The following CD36 variants were observed in gnomAD, a reference collection of about 807,000 sequenced individuals.
CD36 encodes platelet glycoprotein 4.
In CD36, 119 loss-of-function variants were observed where a neutral mutation model predicts 55.2. The observed-to-expected ratio is 2.15, with a 90% CI of 1.86 to 2.51. The LOEUF is 2.51. Ranked by LOEUF, CD36 falls within the 30% of genes most tolerant of loss-of-function variation. CD36 has a pLI of 0.00. For missense variants in CD36, 819 were observed against 555.5 expected, an observed-to-expected ratio of 1.47 and a Z score of -4.77; for synonymous variants, 186 against 193.6, an observed-to-expected ratio of 0.96 and a Z score of 0.33.
At chr7:80,671,397 G>C (rs562483542) in intron 10 of CD36, among the ~76,000 whole-genome samples, 2 of 152,234 alleles carry the variant, frequency 1.3e-5, no homozygotes, top group East Asian at 3.9e-4. Context: ...TGCTGATTTT[G>C]TATTTTGGGA....
intron 9 of CD36, chr7:80,670,468 TTTC>T: frequency 4.4e-6 from 1 of 227,800 alleles, no homozygotes. Context: ...TCTGAATTTT[TTTC>T]TTATCTGTAC....
Position 80,678,842 on chromosome 7 carries a change from CAAAAA to C in CD36, c.*2467_*2471del, listed in dbSNP as rs66867332. The C allele has an allele frequency of 7.1e-6, 1 of 141,722 alleles. No homozygotes were observed. Among genetic ancestry groups the C allele is most frequent in the African/African-American group, 2.6e-5 (1 of 38,042 alleles). The allele number at this position is 141,722 out of a possible 1,614,324, so 8.8% of individuals were successfully genotyped here. A position where few individuals can be genotyped will look rare whatever the true frequency, so the allele number is the denominator to read the frequency against. On this transcript the variant is annotated 3_prime_UTR_variant, in exon 15 of 15. Transcript: ENST00000447544. ...CTGGTGACAGAGCGAGATTCCATCT[CAAAAA>C]AAAAAAACAGTATGCACGTACAAAT...
upstream of CD36, chr7:80,638,509 T>C (rs762661522): frequency 2.0e-5 from 3 of 151,638 alleles, no homozygotes; most frequent in Admixed American, 1.3e-4. Flanking sequence ...TGGGGGATTT[T>C]TTTTTTCTTT....
intron 1 of CD36, among the ~76,000 whole-genome samples, chr7:80,604,582 C>T (rs1402220947): frequency 6.6e-6 from 1 of 151,334 alleles, no homozygotes; most frequent in African/African-American, 2.4e-5. Context: ...GTCACACAAA[C>T]ACTATAGTAC....
intron 14 of CD36, 93 bp downstream of exon 14, chr7:80,674,240 A>ATATATTTCTAGACATGT: frequency 1.1e-6 from 1 of 876,382 alleles, no homozygotes; most frequent in Non-Finnish European, 1.8e-6. Context: ...ATTAGGCCAT[A>ATATATTTCTAGACATGT]TATATTTCTA....
intron 1 of CD36, among the ~76,000 whole-genome samples, chr7:80,619,621 T>C (rs1476609552): frequency 2.4e-4 from 32 of 131,058 alleles, no homozygotes; most frequent in African/African-American, 2.9e-5. Context: ...CACTCCAGCC[T>C]GGGTGACAGA....
Position 80,620,984 on chromosome 7 carries a change from T to C in CD36, c.-184+18605T>C, listed in dbSNP as rs1041592196. On this transcript the variant is annotated intron_variant, in intron 1 of 13. Coordinates refer to the CD36 transcript ENST00000309881. Reference sequence around the variant, plus strand: ...TGTTATCAAACAGCATTGCATGCTATAGAAAAGGCAAACAATTTTTCCAAG... The same window carrying C: ...TGTTATCAAACAGCATTGCATGCTACAGAAAAGGCAAACAATTTTTCCAAG... Among the ~76,000 whole-genome samples the C allele has an allele frequency of 3.9e-5, 6 of 152,292 alleles. No individual in the cohort carries two copies. The East Asian group carries it at 5.8e-4, about 15-fold the overall frequency.
chr7:80,606,548 T>C (rs1450128986), intron 1 of CD36, among the ~76,000 whole-genome samples: 2 of 152,208 alleles, frequency 1.3e-5, no homozygotes, highest in Admixed American at 6.5e-5. Context: ...CTAGTCCTTT[T>C]CCCCAGTCTG....
At chr7:80,659,105 CT>C in intron 4 of CD36, among the ~76,000 whole-genome samples, 4 of 152,202 alleles carry the variant, frequency 2.6e-5, no homozygotes. Flanking sequence ...CCAAAATAGT[CT>C]TTTATTGTTT....
intron 1 of CD36, chr7:80,623,830 CCCTGGAGAGGGGACTGTTT>C (rs1446412601): frequency 6.6e-6 from 1 of 152,124 alleles, no homozygotes; most frequent in Non-Finnish European, 1.5e-5. Context: ...GTAGGGATAT[CCCTGGAGAGGGGACTGTTT>C]CTGTGTGCTT....
Position 80,664,422 on chromosome 7 carries a change from A to G in CD36, c.626A>G (p.Asp209Gly). 2 of 1,560,208 alleles carry G rather than the reference A, an allele frequency of 1.3e-6. No individual in the cohort carries two copies. Among genetic ancestry groups the G allele is most frequent in the Non-Finnish European group, 1.8e-6 (2 of 1,131,110 alleles). Residue 209 changes from aspartate to glycine, a missense_variant, in exon 7 of 15, where the codon GAT becomes GGT. By Grantham distance (94) the Asp-to-Gly change is moderately conservative. Coordinates refer to ENST00000447544, the MANE Select transcript of CD36 (RefSeq NM_001001548.3). ...GLFYPYNNTADGVYKVFNGKD... is the reference protein window; with the variant it reads ...GLFYPYNNTAGGVYKVFNGKD... ...ATATTTCAGTACAACAATACTGCAG[A>G]TGGAGTTTATAAAGTTTTCAATGGA...
chr7:80,658,443 A>T (rs535084652), intron 4 of CD36, among the ~76,000 whole-genome samples: 2 of 152,206 alleles, frequency 1.3e-5, no homozygotes, highest in African/African-American at 4.8e-5. Flanking sequence ...AGAACTCATC[A>T]TGATTTTTTT....
At chr7:80,617,727 C>CAA (rs5885184) in intron 1 of CD36, among the ~76,000 whole-genome samples, 2 of 122,758 alleles carry the variant, frequency 1.6e-5, no homozygotes, top group East Asian at 2.4e-4. Context: ...ACTGTGTCTC[C>CAA]AAAAAAAAAA....
chr7:80,671,055 C>T lies in CD36; in HGVS notation c.897C>T (p.Ala299=), dbSNP rs763209871. 25 of 1,612,378 alleles carry T rather than the reference C, an allele frequency of 1.6e-5. No homozygotes were observed. In the Admixed American group the frequency reaches 3.5e-4, roughly 23 times the overall value. The change falls in exon 10 of 15, where the codon GCC becomes GCT. Residue 299 remains alanine, a synonymous_variant. Coordinates refer to ENST00000447544, the MANE Select transcript of CD36 (RefSeq NM_001001548.3). The stretch of plus-strand genomic sequence containing the variant: ...ATAGATTTGTTCTTCCATCCAAGGC[C>T]TTTGCCTCTCCAGTTGAAAACCCAG... ...PVYRFVLPSK[A]FASPVENPDN...
At chr7:80,619,047 A>C (rs890949947) in intron 1 of CD36, among the ~76,000 whole-genome samples, 3 of 152,194 alleles carry the variant, frequency 2.0e-5, no homozygotes. Context: ...GGGCTAATGC[A>C]GCTGGTGACT....
chr7:80,669,964 T>C lies in CD36; in HGVS notation c.760T>C (p.Phe254Leu), dbSNP rs142186404. ...DMINGTDAAS[F>L]PPFVEKSQVL... ...CGATTTTTAAACAGATGCAGCCTCATTTCCACCTTTTGTTGAGAAAAGCCA... is the reference window on the plus strand; with the variant it reads ...CGATTTTTAAACAGATGCAGCCTCACTTCCACCTTTTGTTGAGAAAAGCCA... The change falls in exon 9 of 15, where the codon TTT (phenylalanine) becomes CTT (leucine). Residue 254 changes from phenylalanine to leucine, a missense_variant. Phe to Leu is a conservative substitution (Grantham distance 22). Coordinates refer to ENST00000447544, the MANE Select transcript of CD36 (RefSeq NM_001001548.3). 55 of 1,612,176 alleles carry C rather than the reference T, an allele frequency of 3.4e-5. No homozygotes were observed. The East Asian group carries it at 1.2e-3, about 35-fold the overall frequency.
intron 7 of CD36, chr7:80,666,181 T>C: frequency 2.3e-6 from 1 of 433,708 alleles, no homozygotes; most frequent in Non-Finnish European, 4.2e-6. Flanking sequence ...TGTTTTTAAT[T>C]TTTTTCTTAT....
chr7:80,655,284 C>T (rs1015267477), intron 3 of CD36, among the ~76,000 whole-genome samples: 1 of 151,910 alleles, frequency 6.6e-6, no homozygotes, highest in African/African-American at 2.4e-5. Flanking sequence ...TTTGCACTAT[C>T]TACTACAGCG....
At chr7:80,671,236 T>C (rs1797648912) in intron 10 of CD36, 72 bp downstream of exon 10, 7 of 1,048,902 alleles carry the variant, frequency 6.7e-6, no homozygotes, top group Non-Finnish European at 8.7e-6. Context: ...AACTTTACCA[T>C]AATCCTTTAG....
Sources: gnomAD v4.1 joint callset for allele counts (sites outside exome capture counted in the v4.1 genomes callset) on GRCh38, gnomAD v4.1.1 for gene constraint, MANE v1.5 for transcripts, NCBI Gene and HGNC (gene_info 2026-07-23, HGNC 2026-07-21) for gene names.